PGBD5: variants seen among roughly 807,000 people sequenced by gnomAD.
The protein encoded by PGBD5 is piggyBac transposable element-derived protein 5.
A neutral mutation model predicts 47.9 loss-of-function variants in PGBD5; 14 were observed. The ratio of observed to expected loss-of-function variants is 0.29; its 90% confidence interval spans 0.19 to 0.46. The LOEUF (loss-of-function observed/expected upper bound fraction) is 0.46, where lower values mean the gene tolerates loss of function less well. PGBD5 is among the 20% of genes least tolerant of loss of function. The pLI is 1.00. For synonymous variants in PGBD5, 316 were observed against 306.3 expected, an observed-to-expected ratio of 1.03 and a Z score of -0.33; for missense variants, 635 against 716.0, an observed-to-expected ratio of 0.89 and a Z score of 1.29.
Position 230,425,899 on chromosome 1 carries a change from C to A in PGBD5, c.30G>T (p.Arg10Ser). 9 of 1,167,154 alleles carry A rather than the reference C, an allele frequency of 7.7e-6. No individual in the cohort carries two copies. Among genetic ancestry groups the A allele is most frequent in the Non-Finnish European group, 9.5e-6 (9 of 947,692 alleles). The allele number at this position is 1,167,154 out of a possible 1,614,324, so 72.3% of individuals were successfully genotyped here. A position where few individuals can be genotyped will look rare whatever the true frequency, so the allele number is the denominator to read the frequency against. The change falls in exon 1 of 7, where the codon AGG becomes AGT. Residue 10 changes from arginine to serine, a missense_variant. By Grantham distance (110) the Arg-to-Ser change is moderately radical. Coordinates refer to ENST00000391860, the MANE Select transcript of PGBD5 (RefSeq NM_001258311.2). The surrounding 1 kb of genome is among the most constrained non-coding windows in gnomAD (Gnocchi z 4.7). ...CAGCCTCGAGCAGCGCCGGCGCCCT[C>A]CTCCGCGCGCCCCCGCCGCCCTCGG... MAEGGGGAR[R>S]RAPALLEAAR... is the part of the protein sequence containing the mutation.
chr1:230,335,723 A>G lies in PGBD5; in HGVS notation c.1075+1385T>C, dbSNP rs369660144. 4.4e-5 allele frequency among the ~76,000 whole-genome samples: 3 copies of G among 67,848 alleles called. No homozygotes were observed. In the East Asian group the frequency reaches 1.3e-3, roughly 30 times the overall value. The allele number at this position is 67,848 out of a possible 152,430, so 44.5% of individuals were successfully genotyped here. The stretch of plus-strand genomic sequence containing the variant: ...CACATACATACACAGGTACACATAC[A>G]GACACACACAGACTTACACAAAGAC... On this transcript the variant is annotated intron_variant, in intron 4 of 6. Transcript: ENST00000391860.
At chr1:230,396,086 C>G (rs1656948147) in intron 1 of PGBD5, among the ~76,000 whole-genome samples, 1 of 149,212 alleles carries the variant, frequency 6.7e-6, no homozygotes, top group Non-Finnish European at 1.5e-5. Context: ...TTGCTTCCCT[C>G]TTTCTGCTCC....
At chr1:230,366,485 A>T (rs532151773) in intron 1 of PGBD5, among the ~76,000 whole-genome samples, 2 of 152,218 alleles carry the variant, frequency 1.3e-5, no homozygotes. Flanking sequence ...GACTAATTAT[A>T]AGACAATCAT....
intron 1 of PGBD5, among the ~76,000 whole-genome samples, chr1:230,397,536 A>G (rs1049585449): frequency 5.3e-5 from 8 of 152,232 alleles, no homozygotes; most frequent in Non-Finnish European, 4.4e-5. Context: ...AAGCAAGAGG[A>G]GATTTAAGAA....
At chr1:230,367,291 C>A (rs1667850870) in intron 1 of PGBD5, among the ~76,000 whole-genome samples, 2 of 152,198 alleles carry the variant, frequency 1.3e-5, no homozygotes, top group Non-Finnish European at 2.9e-5. Context: ...ACGTGCCAAA[C>A]CATGTACCAT....
At chr1:230,390,840 A>G (rs1271471966) in intron 1 of PGBD5, among the ~76,000 whole-genome samples, 1 of 152,086 alleles carries the variant, frequency 6.6e-6, no homozygotes, top group Non-Finnish European at 1.5e-5. Flanking sequence ...CCTGGGTTCA[A>G]GCGATTCTCA....
chr1:230,383,573 T>C (rs898133944), intron 1 of PGBD5, among the ~76,000 whole-genome samples: 15 of 152,278 alleles, frequency 9.9e-5, no homozygotes, highest in African/African-American at 3.6e-4. Context: ...GGTCTCACTA[T>C]GTTGCCCAGG....
chr1:230,377,687 C>A (rs977463793), intron 1 of PGBD5: 4 of 1,445,186 alleles, frequency 2.8e-6, no homozygotes, highest in Non-Finnish European at 3.6e-6. Flanking sequence ...ATTTCCCCAT[C>A]TGTAAAATGG....
intron 1 of PGBD5, among the ~76,000 whole-genome samples, chr1:230,417,464 T>C (rs1051942314): frequency 5.3e-5 from 8 of 152,362 alleles, no homozygotes; most frequent in African/African-American, 1.9e-4. Context: ...TTATAGGTGT[T>C]AAATTTTAAG....
chr1:230,341,150 G>C (rs1435778852), intron 3 of PGBD5, among the ~76,000 whole-genome samples: 1 of 152,178 alleles, frequency 6.6e-6, no homozygotes, highest in Non-Finnish European at 1.5e-5. Flanking sequence ...GTTTCTAAAA[G>C]TGAATATAAA....
At position 230,338,842 on chromosome 1, in the gene PGBD5, C is replaced by T. The variant is rs911067008; in HGVS notation, c.895-1554G>A. On this transcript the variant is annotated intron_variant, in intron 3 of 6. Transcript: ENST00000391860. ...ATAAGAAAAGAAAAGAAAAAAAAGC[C>T]CGCAATGGGGCCTCTTCTTGAAGCT... Among the ~76,000 whole-genome samples, 13 of 152,162 alleles carry T rather than the reference C, an allele frequency of 8.5e-5. No homozygotes were observed. The East Asian group carries it at 2.1e-3, about 25-fold the overall frequency.
intron 1 of PGBD5, among the ~76,000 whole-genome samples, chr1:230,395,273 C>T (rs1246685870): frequency 4.5e-5 from 2 of 44,832 alleles, no homozygotes; most frequent in African/African-American, 2.1e-4. Flanking sequence ...CACGCTTCTC[C>T]CCATCCCTGA....
At chr1:230,387,081 G>T (rs1381961469) in intron 1 of PGBD5, among the ~76,000 whole-genome samples, 1 of 152,148 alleles carries the variant, frequency 6.6e-6, no homozygotes. Context: ...TTAGATGCTG[G>T]ATTGTTTTAG....
At chr1:230,359,901 A>G (rs1336750858) in intron 1 of PGBD5, among the ~76,000 whole-genome samples, 1 of 152,220 alleles carries the variant, frequency 6.6e-6, no homozygotes, top group African/African-American at 2.4e-5. Flanking sequence ...TTTGGGCACC[A>G]AACAGGTCTT....
At chr1:230,367,829 AGC>A in intron 1 of PGBD5, 2 of 1,045,578 alleles carry the variant, frequency 1.9e-6, no homozygotes, top group African/African-American at 1.7e-5. Context: ...CACTACAAAG[AGC>A]ATTCTCGCGT....
At chr1:230,364,056 C>T (rs1667789661) in intron 1 of PGBD5, among the ~76,000 whole-genome samples, 1 of 152,238 alleles carries the variant, frequency 6.6e-6, no homozygotes, top group Non-Finnish European at 1.5e-5. Flanking sequence ...CAAGTCTCAA[C>T]TGTAGAATTC....
At chr1:230,338,569 GTGAGTGA>G (rs774927408) in intron 3 of PGBD5, among the ~76,000 whole-genome samples, 18 of 152,198 alleles carry the variant, frequency 1.2e-4, no homozygotes, top group Non-Finnish European at 2.4e-4. Context: ...GGAGGCTGAG[GTGAGTGA>G]TTACCTGAGG....
chr1:230,414,519 C>T (rs1657476950), intron 1 of PGBD5, among the ~76,000 whole-genome samples: 3 of 152,174 alleles, frequency 2.0e-5, no homozygotes, highest in Admixed American at 2.0e-4. Flanking sequence ...TTTACCCTTG[C>T]TATTATTTAC....
At chr1:230,338,319 G>C (rs1667357581) in intron 3 of PGBD5, among the ~76,000 whole-genome samples, 1 of 152,224 alleles carries the variant, frequency 6.6e-6, no homozygotes, top group African/African-American at 2.4e-5. Flanking sequence ...GCTTAGGGCA[G>C]CACAAGGCTG....
Sources: gnomAD v4.1 joint callset for allele counts (sites outside exome capture counted in the v4.1 genomes callset) on GRCh38, gnomAD v4.1.1 for gene constraint, Gnocchi (gnomAD v3.1) non-coding constraint, MANE v1.5 for transcripts, NCBI Gene and HGNC (gene_info 2026-07-23, HGNC 2026-07-21) for gene names.